The following ARHGAP10 variants were observed in gnomAD, a reference collection of about 807,000 sequenced individuals.
ARHGAP10 encodes rho GTPase-activating protein 10.
In ARHGAP10, 87 loss-of-function variants were observed where a neutral mutation model predicts 108.6. The observed-to-expected ratio is 0.80, with a 90% CI of 0.67 to 0.96. The LOEUF (loss-of-function observed/expected upper bound fraction) is 0.96. ARHGAP10 is among the 40% of genes least tolerant of loss of function. The pLI, the probability that ARHGAP10 is intolerant of heterozygous loss-of-function variation, is 0.00. For synonymous variants in ARHGAP10, 347 were observed against 341.1 expected, an observed-to-expected ratio of 1.02 and a Z score of -0.19; for missense variants, 939 against 954.5, an observed-to-expected ratio of 0.98 and a Z score of 0.21.
At chr4:147,898,011 G>A (rs559490321) in intron 10 of ARHGAP10, among the ~76,000 whole-genome samples, 5 of 151,834 alleles carry the variant, frequency 3.3e-5, no homozygotes, top group South Asian at 2.1e-4. Flanking sequence ...CTGCCACCAC[G>A]CCTGGCTAAT....
At chr4:148,039,895 G>A (rs1049522449) in intron 19 of ARHGAP10, among the ~76,000 whole-genome samples, 1 of 151,982 alleles carries the variant, frequency 6.6e-6, no homozygotes, top group Non-Finnish European at 1.5e-5. Context: ...CTAGATTCTG[G>A]CAATTTCACT....
rs1422797303 is a variant in ARHGAP10, at chr4:147,933,418, A to G, written c.1229-6407A>G. Among the ~76,000 whole-genome samples the G allele has an allele frequency of 2.6e-5, 4 of 152,088 alleles. 1 individual carries two copies. In the East Asian group the frequency reaches 7.7e-4, roughly 29 times the overall value. On this transcript the variant is annotated intron_variant, in intron 13 of 22. Coordinates refer to ENST00000336498, the MANE Select transcript of ARHGAP10 (RefSeq NM_024605.4). Reference sequence around the variant, plus strand: ...CCTGAATGCTCTCGATGCTTGTGACAGTGTCTGTGCATTGAGGGATTAGCT... The same window carrying G: ...CCTGAATGCTCTCGATGCTTGTGACGGTGTCTGTGCATTGAGGGATTAGCT...
chr4:147,797,297 T>A (rs1731355497), intron 1 of ARHGAP10, among the ~76,000 whole-genome samples: 2 of 152,128 alleles, frequency 1.3e-5, no homozygotes, highest in African/African-American at 4.8e-5. Flanking sequence ...CTTAGCCAGG[T>A]CTTTACACTG....
At chr4:148,044,118 C>A (rs1347651551) in intron 19 of ARHGAP10, among the ~76,000 whole-genome samples, 1 of 152,056 alleles carries the variant, frequency 6.6e-6, no homozygotes, top group African/African-American at 2.4e-5. Flanking sequence ...CAAATTGCCA[C>A]TGTTTGGCAG....
At chr4:148,037,238 T>C (rs1728419192) in intron 19 of ARHGAP10, among the ~76,000 whole-genome samples, 1 of 152,206 alleles carries the variant, frequency 6.6e-6, no homozygotes, top group African/African-American at 2.4e-5. Flanking sequence ...TTCCTCAGAA[T>C]TGGAAGTCTT....
intron 1 of ARHGAP10, among the ~76,000 whole-genome samples, chr4:147,810,222 G>A (rs909791026): frequency 2.0e-5 from 3 of 152,132 alleles, no homozygotes; most frequent in Non-Finnish European, 4.4e-5. Context: ...TTCATTGTTC[G>A]AAACATAGTT....
intron 1 of ARHGAP10, among the ~76,000 whole-genome samples, chr4:147,756,130 C>CAA (rs11355244): frequency 0.032 from 3,044 of 96,136 alleles, 102 homozygotes; most frequent in African/African-American, 0.13. Flanking sequence ...TACTAGGAGG[C>CAA]AAAAAAAAAA....
intron 16 of ARHGAP10, among the ~76,000 whole-genome samples, chr4:147,959,793 A>G (rs1286810008): frequency 6.6e-6 from 1 of 152,172 alleles, no homozygotes; most frequent in Non-Finnish European, 1.5e-5. Context: ...CAATTCCACT[A>G]TTTTAAGAAA....
chr4:147,920,631 G>A (rs1316167835), intron 13 of ARHGAP10, among the ~76,000 whole-genome samples: 3 of 66,378 alleles, frequency 4.5e-5, no homozygotes, highest in African/African-American at 5.5e-5. Context: ...CGTGTTCAAC[G>A]TTGGTTACAT....
At chr4:147,956,873 C>A (rs1440181111) in intron 16 of ARHGAP10, among the ~76,000 whole-genome samples, 1 of 151,580 alleles carries the variant, frequency 6.6e-6, no homozygotes, top group Non-Finnish European at 1.5e-5. Flanking sequence ...TAACTGATGG[C>A]AGTGTTTTTG....
At chr4:148,015,824 G>A (rs577370193) in intron 18 of ARHGAP10, among the ~76,000 whole-genome samples, 2 of 152,260 alleles carry the variant, frequency 1.3e-5, no homozygotes, top group Admixed American at 1.3e-4. Flanking sequence ...AAAGAAGATC[G>A]GACATTTTAT....
At chr4:147,972,146 T>C (rs2149619397) in intron 18 of ARHGAP10, among the ~76,000 whole-genome samples, 1 of 152,242 alleles carries the variant, frequency 6.6e-6, no homozygotes, top group South Asian at 2.1e-4. Context: ...GTGCTCAAAC[T>C]TATGAGTGAA....
At chr4:147,833,871 T>C (rs1733054101) in intron 3 of ARHGAP10, among the ~76,000 whole-genome samples, 1 of 151,990 alleles carries the variant, frequency 6.6e-6, no homozygotes, top group Non-Finnish European at 1.5e-5. Flanking sequence ...AGTGGGAAAA[T>C]ATGGTTTCGA....
chr4:147,855,138 G>T (rs756333208), intron 4 of ARHGAP10, among the ~76,000 whole-genome samples: 1 of 152,184 alleles, frequency 6.6e-6, no homozygotes, highest in Non-Finnish European at 1.5e-5. Flanking sequence ...GCAGTCTTGT[G>T]GGCAAATGCA....
intron 13 of ARHGAP10, among the ~76,000 whole-genome samples, chr4:147,924,249 G>A (rs7672161): frequency 0.12 from 18,038 of 152,070 alleles, 2,367 homozygotes; most frequent in African/African-American, 0.3. Context: ...CTGAGACGGC[G>A]AACCCCGAGT....
intron 15 of ARHGAP10, among the ~76,000 whole-genome samples, chr4:147,947,011 G>A (rs910360917): frequency 6.6e-6 from 1 of 152,104 alleles, no homozygotes. Context: ...TTGAATGAAG[G>A]CTATTTATTG....
intron 18 of ARHGAP10, among the ~76,000 whole-genome samples, chr4:147,990,965 A>G (rs1293171837): frequency 1.3e-5 from 2 of 152,014 alleles, no homozygotes; most frequent in Non-Finnish European, 2.9e-5. Context: ...GCAGTGAGCC[A>G]TGATCACACC....
intron 18 of ARHGAP10, among the ~76,000 whole-genome samples, chr4:147,999,405 G>C (rs1314536423): frequency 6.6e-6 from 1 of 152,148 alleles, no homozygotes; most frequent in Non-Finnish European, 1.5e-5. Context: ...GTCCGTGTTT[G>C]TTACAGCTGG....
At chr4:147,847,302 C>T in intron 4 of ARHGAP10, 80 bp downstream of exon 4, 1 of 1,306,886 alleles carries the variant, frequency 7.7e-7, no homozygotes, top group Non-Finnish European at 1.1e-6. Context: ...CATTTGGCAG[C>T]TTTGAAGGAG....
Sources: gnomAD v4.1 joint callset for allele counts (sites outside exome capture counted in the v4.1 genomes callset) on GRCh38, gnomAD v4.1.1 for gene constraint, MANE v1.5 for transcripts, NCBI Gene and HGNC (gene_info 2026-07-23, HGNC 2026-07-21) for gene names.